GPHN: variants seen among roughly 807,000 people sequenced by gnomAD.
The protein encoded by GPHN is gephyrin.
Under a neutral mutation model 95.5 loss-of-function variants are expected in GPHN, and 17 were observed. The ratio of observed to expected loss-of-function variants is 0.18; its 90% confidence interval spans 0.12 to 0.27. GPHN has a LOEUF of 0.27. Among genes scored for constraint, GPHN ranks in the 10% least tolerant of loss-of-function variants. The probability of loss-of-function intolerance (pLI) is 1.00; values close to 1 mark genes in which losing one functional copy is unlikely to be tolerated. For synonymous variants in GPHN, 320 were observed against 322.5 expected, an observed-to-expected ratio of 0.99 and a Z score of 0.08; for missense variants, 660 against 978.1, an observed-to-expected ratio of 0.67 and a Z score of 4.34.
intron 2 of GPHN, among the ~76,000 whole-genome samples, chr14:66,727,198 C>T (rs1399980542): frequency 6.6e-6 from 1 of 152,232 alleles, no homozygotes; most frequent in Non-Finnish European, 1.5e-5. Context: ...CTTGCTCCTC[C>T]ATGCCTTCTA....
chr14:67,515,407 C>CCGGCGG, the GPHN span: 2,263 of 178,820 alleles, frequency 0.013, 58 homozygotes, highest in African/African-American at 0.047. Flanking sequence ...AAAGGAGCCC[C>CCGGCGG]CGGCGGCGGC....
the GPHN span, among the ~76,000 whole-genome samples, chr14:67,420,884 AAAC>A: frequency 1.3e-5 from 2 of 152,252 alleles, no homozygotes; most frequent in African/African-American, 4.8e-5. Flanking sequence ...AGAAAATAGC[AAAC>A]AATGATTGAG....
At chr14:66,930,293 A>G (rs2066716001) in intron 8 of GPHN, among the ~76,000 whole-genome samples, 1 of 150,602 alleles carries the variant, frequency 6.6e-6, no homozygotes, top group Non-Finnish European at 1.5e-5. Context: ...TTCTTACTTT[A>G]TATTTTTTGT....
At chr14:66,606,105 G>T (rs576121829) in intron 1 of GPHN, among the ~76,000 whole-genome samples, 4 of 152,164 alleles carry the variant, frequency 2.6e-5, no homozygotes, top group African/African-American at 9.6e-5. Context: ...AGGTTTTCTT[G>T]TAGGATTTTT....
At chr14:66,750,047 A>G (rs904263755) in intron 2 of GPHN, among the ~76,000 whole-genome samples, 15 of 151,760 alleles carry the variant, frequency 9.9e-5, no homozygotes, top group African/African-American at 3.1e-4. Context: ...ATTACTGTTG[A>G]CTATAGTCAC....
chr14:67,156,451 C>A (rs573844127), intron 18 of GPHN, among the ~76,000 whole-genome samples: 1 of 152,070 alleles, frequency 6.6e-6, no homozygotes, highest in East Asian at 1.9e-4. Flanking sequence ...TTTTTAAAAA[C>A]CCAGTTATGA....
At chr14:67,061,953 C>T (rs2075840782) in intron 11 of GPHN, among the ~76,000 whole-genome samples, 3 of 152,124 alleles carry the variant, frequency 2.0e-5, no homozygotes, top group Admixed American at 2.0e-4. Flanking sequence ...TGTCTGCTTC[C>T]CCCTTTCCCT....
At chr14:67,644,757 G>A in the GPHN span, among the ~76,000 whole-genome samples, 1 of 152,164 alleles carries the variant, frequency 6.6e-6, no homozygotes, top group Admixed American at 6.5e-5. Flanking sequence ...CTAGCACTTT[G>A]GGAGGCTGAG....
At chr14:66,657,263 C>T (rs1409145360) in intron 1 of GPHN, among the ~76,000 whole-genome samples, 1 of 152,126 alleles carries the variant, frequency 6.6e-6, no homozygotes, top group Non-Finnish European at 1.5e-5. Context: ...AGAAGTTGCA[C>T]AAGAAAAGTT....
At chr14:67,389,101 G>A in the GPHN span, among the ~76,000 whole-genome samples, 1 of 151,940 alleles carries the variant, frequency 6.6e-6, no homozygotes, top group African/African-American at 2.4e-5. Context: ...ATCCCTGGAC[G>A]ATTCAGGGCA....
At chr14:66,611,489 T>A (rs2062782013) in intron 1 of GPHN, among the ~76,000 whole-genome samples, 1 of 152,168 alleles carries the variant, frequency 6.6e-6, no homozygotes, top group Non-Finnish European at 1.5e-5. Context: ...TTGCTTTTGC[T>A]TTTATAGTAG....
intron 10 of GPHN, among the ~76,000 whole-genome samples, chr14:67,052,675 T>C (rs1489809321): frequency 2.0e-5 from 3 of 152,036 alleles, no homozygotes; most frequent in Admixed American, 2.0e-4. Flanking sequence ...CACTTACTCC[T>C]AAAAAGATTG....
chr14:66,959,108 A>G (rs939021466), intron 8 of GPHN, among the ~76,000 whole-genome samples: 14 of 152,218 alleles, frequency 9.2e-5, no homozygotes, highest in Admixed American at 6.5e-5. Flanking sequence ...TACCTTGTCC[A>G]CTACTTACGT....
the GPHN span, chr14:67,690,472 A>C: frequency 6.5e-7 from 1 of 1,540,056 alleles, no homozygotes; most frequent in Non-Finnish European, 9.0e-7. Flanking sequence ...TAGGAATGAC[A>C]GGAGTCGTGG....
At chr14:66,803,517 CT>C (rs1391570861) in intron 3 of GPHN, among the ~76,000 whole-genome samples, 2 of 152,192 alleles carry the variant, frequency 1.3e-5, no homozygotes, top group Non-Finnish European at 2.9e-5. Flanking sequence ...CACTCCACCC[CT>C]CTCTTCAGTA....
At chr14:67,459,736 T>A in the GPHN span, among the ~76,000 whole-genome samples, 1 of 152,206 alleles carries the variant, frequency 6.6e-6, no homozygotes, top group Non-Finnish European at 1.5e-5. Context: ...AGGCGCTCAA[T>A]AAACCCTAAT....
chr14:67,245,456 CTT>C, the GPHN span, among the ~76,000 whole-genome samples: 1 of 152,020 alleles, frequency 6.6e-6, no homozygotes. Context: ...GTGTCTGAAA[CTT>C]TTGCCCATTT....
At chr14:67,655,313 C>G in the GPHN span, among the ~76,000 whole-genome samples, 1 of 151,986 alleles carries the variant, frequency 6.6e-6, no homozygotes, top group Non-Finnish European at 1.5e-5. Context: ...GGTGACAGAG[C>G]AAGACCCTGT....
the GPHN span, chr14:67,559,494 G>A: frequency 3.3e-5 from 22 of 674,202 alleles, no homozygotes; most frequent in Admixed American, 5.4e-4. Context: ...TCTGCTCACT[G>A]GCTTTGCGAG....
Sources: allele counts gnomAD v4.1 joint callset (sites outside exome capture counted in the v4.1 genomes callset), GRCh38; gene constraint gnomAD v4.1.1; transcripts MANE v1.5; gene names NCBI Gene and HGNC (gene_info 2026-07-23, HGNC 2026-07-21).